Variants in MYOM2 observed in about 807,000 individuals in gnomAD.
MYOM2 encodes myomesin-2.
In MYOM2, 254 loss-of-function variants were observed where a neutral mutation model predicts 187.6. That is an observed-to-expected ratio of 1.35 (90% CI 1.22 to 1.50). The LOEUF (loss-of-function observed/expected upper bound fraction) is 1.50. Ranked by LOEUF, MYOM2 falls within the 40% of genes most tolerant of loss-of-function variation. The pLI is 0.00. For synonymous variants in MYOM2, 981 were observed against 753.8 expected, an observed-to-expected ratio of 1.30 and a Z score of -4.94; for missense variants, 2,796 against 1,924.0, an observed-to-expected ratio of 1.45 and a Z score of -8.48.
At chr8:2,105,578 C>G (rs901771515) in intron 21 of MYOM2, among the ~76,000 whole-genome samples, 1 of 152,132 alleles carries the variant, frequency 6.6e-6, no homozygotes, top group Non-Finnish European at 1.5e-5. Flanking sequence ...GAAGGAGATT[C>G]CAGAGAGAAC....
At chr8:2,106,723 G>C in intron 23 of MYOM2, 126 bp downstream of exon 23, 1 of 684,760 alleles carries the variant, frequency 1.5e-6, no homozygotes, top group South Asian at 2.1e-5. Flanking sequence ...TGGCGGTGGG[G>C]GCTATGTATA....
intron 28 of MYOM2, among the ~76,000 whole-genome samples, chr8:2,122,444 C>G (rs1420888064): frequency 6.6e-6 from 1 of 152,182 alleles, no homozygotes; most frequent in Admixed American, 6.5e-5. Context: ...CCAGTGCTGT[C>G]GAGAACGATG....
Position 2,072,458 on chromosome 8 carries a change from G to T in MYOM2, c.907G>T (p.Val303Leu), listed in dbSNP as rs201082497. ...ETVTLKCTML[V>L]TPDLKRVQPR... is the part of the protein sequence containing the mutation. ...GGTCACTCTCAAGTGCACCATGCTG[G>T]TGACGCCGGACCTGAAGCGGGTGCA... Residue 303 changes from valine (V) to leucine (L), a missense_variant, in exon 9 of 37, where the codon GTG becomes TTG. Physicochemically the swap from Val to Leu is conservative, Grantham distance 32 (BLOSUM62 1). Coordinates refer to ENST00000262113, the MANE Select transcript of MYOM2 (RefSeq NM_003970.4). 4.3e-6 allele frequency: 7 copies of T among 1,614,082 alleles called. No individual in the cohort carries two copies. The Admixed American group carries it at 1.2e-4, about 27-fold the overall frequency.
intron 12 of MYOM2, 82 bp downstream of exon 12, chr8:2,079,015 C>G: frequency 1.5e-6 from 2 of 1,374,108 alleles, no homozygotes; most frequent in Admixed American, 1.7e-5. Flanking sequence ...CTTTCCCTCC[C>G]AACTCGATGT....
At chr8:2,065,457 C>G (rs1818988048) in intron 6 of MYOM2, among the ~76,000 whole-genome samples, 1 of 152,134 alleles carries the variant, frequency 6.6e-6, no homozygotes, top group Non-Finnish European at 1.5e-5. Flanking sequence ...GTAATCCCAG[C>G]TACTCAGGAG....
chr8:2,138,258 C>T (rs899852270), intron 32 of MYOM2, among the ~76,000 whole-genome samples: 1 of 152,204 alleles, frequency 6.6e-6, no homozygotes, highest in African/African-American at 2.4e-5. Flanking sequence ...TCGGCCCGGC[C>T]GGCTCTGGCT....
chr8:2,100,117 C>CTTCCT (rs1796646755), intron 19 of MYOM2, among the ~76,000 whole-genome samples: 6 of 91,062 alleles, frequency 6.6e-5, no homozygotes, highest in African/African-American at 2.5e-4. Flanking sequence ...TCTTTCTTTC[C>CTTCCT]TTCCTTCCTT....
intron 28 of MYOM2, 51 bp from the exon 29 acceptor site, chr8:2,123,201 C>A (rs1450666076): frequency 1.6e-6 from 2 of 1,242,080 alleles, no homozygotes; most frequent in East Asian, 2.4e-5. Flanking sequence ...CTTTCTTTTT[C>A]TCATGAGTCA....
At chr8:2,136,868 G>A (rs1052972789) in intron 32 of MYOM2, among the ~76,000 whole-genome samples, 17 of 152,180 alleles carry the variant, frequency 1.1e-4, no homozygotes, top group Admixed American at 7.2e-4. Flanking sequence ...CATAAACGCC[G>A]CAAAGGCTAA....
At chr8:2,073,241 G>C in intron 9 of MYOM2, 98 bp from the exon 10 acceptor site, 3 of 1,367,002 alleles carry the variant, frequency 2.2e-6, no homozygotes, top group Non-Finnish European at 3.0e-6. Context: ...CAGCTCGACT[G>C]TCCTGTCCCG....
rs538173326 is a variant in MYOM2 at position 2,051,455 on chromosome 8, C to G, written c.107+582C>G. On this transcript the variant is annotated intron_variant, in intron 2 of 36. Transcript: ENST00000262113. ...GCAGCAAATCTGCAATCTTAATGGG[C>G]TGATTGGAAGGCTGTGGTGAAGGGA... Among the ~76,000 whole-genome samples the G allele has an allele frequency of 2.3e-4, 35 of 152,258 alleles. 1 individual carries two copies. Among genetic ancestry groups the G allele is most frequent in the Middle Eastern group, 6.8e-3 (2 of 294 alleles).
chr8:2,085,620 C>T (rs948669517), intron 14 of MYOM2, among the ~76,000 whole-genome samples: 3 of 5,490 alleles, frequency 5.5e-4, no homozygotes, highest in African/African-American at 1.9e-3. Context: ...CTGCGTGGCC[C>T]CCCACAGTCG....
chr8:2,100,840 A>C, intron 19 of MYOM2, 36 bp from the exon 20 acceptor site: 3 of 1,608,286 alleles, frequency 1.9e-6, no homozygotes, highest in African/African-American at 1.3e-5. Context: ...TGGACTGGCT[A>C]TGCGCGCAGA....
rs1233782213 is a variant in MYOM2, at chr8:2,052,201, C to T, written c.151C>T (p.Arg51Trp). The change falls in exon 3 of 37, where the codon CGG becomes TGG. Residue 51 changes from arginine (R) to tryptophan (W), a missense_variant. Physicochemically the swap from Arg to Trp is moderately radical, Grantham distance 101. Coordinates refer to ENST00000262113, the MANE Select transcript of MYOM2 (RefSeq NM_003970.4). ...ATCTTCCCAGAAGTCCTTGAGTCAG[C>T]GGTCGTCTTCACAGAGAGCCTCCAG... ...QASSQKSLSQ[R>W]SSSQRASSQT... is the part of the protein sequence containing the mutation. 29 of 1,613,016 alleles carry T rather than the reference C, an allele frequency of 1.8e-5. No individual in the cohort carries two copies. The highest frequency in any genetic ancestry group is 2.2e-5 in the Non-Finnish European group (26 of 1,179,624).
intron 32 of MYOM2, among the ~76,000 whole-genome samples, chr8:2,129,593 T>A (rs1448728638): frequency 1.3e-5 from 2 of 152,174 alleles, no homozygotes; most frequent in African/African-American, 4.8e-5. Context: ...TCCAGTCAGT[T>A]GGTTTCCCGC....
At chr8:2,075,947 T>A (rs1408952352) in intron 10 of MYOM2, among the ~76,000 whole-genome samples, 194 bp from the exon 11 acceptor site, 1 of 152,262 alleles carries the variant, frequency 6.6e-6, no homozygotes, top group East Asian at 1.9e-4. Context: ...TGAAGCTTTT[T>A]AATTCATACA....
chr8:2,081,836 T>G (rs1025103757), intron 13 of MYOM2: 1 of 152,278 alleles, frequency 6.6e-6, no homozygotes, highest in Admixed American at 6.5e-5. Flanking sequence ...AAGTTTGGCA[T>G]CCAGACACTG....
At chr8:2,103,589 T>C (rs1215141330) in intron 21 of MYOM2, among the ~76,000 whole-genome samples, 1 of 150,792 alleles carries the variant, frequency 6.6e-6, no homozygotes, top group Non-Finnish European at 1.5e-5. Context: ...GCATGTATTA[T>C]GTGTATATGT....
chr8:2,134,717 A>G (rs1178492277), intron 32 of MYOM2, among the ~76,000 whole-genome samples: 3 of 152,048 alleles, frequency 2.0e-5, no homozygotes, highest in African/African-American at 4.8e-5. Flanking sequence ...CTTTGCTCAA[A>G]TTGTTCCAGC....
Sources: allele counts gnomAD v4.1 joint callset (sites outside exome capture counted in the v4.1 genomes callset), GRCh38; gene constraint gnomAD v4.1.1; transcripts MANE v1.5; gene names NCBI Gene and HGNC (gene_info 2026-07-23, HGNC 2026-07-21).